The following PLEKHH2 variants were observed in gnomAD, a reference collection of about 807,000 sequenced individuals.
PLEKHH2 encodes the protein pleckstrin homology domain-containing family H member 2.
PLEKHH2 carries 129 observed loss-of-function variants against 187.9 expected under a neutral mutation model. That is an observed-to-expected ratio of 0.69 (90% CI 0.59 to 0.79). PLEKHH2 has a LOEUF of 0.79. Ranked by LOEUF, PLEKHH2 falls within the 30% of genes least tolerant of loss-of-function variation. The pLI, the probability that PLEKHH2 is intolerant of heterozygous loss-of-function variation, is 0.00. For missense variants in PLEKHH2, 2,076 were observed against 1,751.2 expected (o/e 1.19, Z -3.31); for synonymous variants, 686 against 605.6 (o/e 1.13, Z -1.95).
chr2:43,644,733 G>A lies in PLEKHH2; in HGVS notation c.60G>A (p.Leu20=). Residue 20 remains leucine (L), a synonymous_variant, in exon 2 of 30, where the codon CTG becomes CTA. Transcript: ENST00000282406. The part of the protein sequence containing the change: ...PVDWKERCVA[L]ESQLMKFRVQ... ...ATTGGAAGGAACGATGTGTAGCTCT[G>A]GAGTCCCAACTCATGAAATTTAGAG... 1 of 1,609,446 alleles carries A rather than the reference G, an allele frequency of 6.2e-7. No individual in the cohort carries two copies. Among genetic ancestry groups the A allele is most frequent in the Non-Finnish European group, 8.5e-7 (1 of 1,176,668 alleles).
At chr2:43,646,287 A>G (rs986811466) in intron 2 of PLEKHH2, among the ~76,000 whole-genome samples, 4 of 152,112 alleles carry the variant, frequency 2.6e-5, no homozygotes, top group African/African-American at 9.7e-5. Flanking sequence ...AATGAAAATC[A>G]TTTTCCATGT....
intron 2 of PLEKHH2, among the ~76,000 whole-genome samples, chr2:43,645,968 A>G (rs1666164828): frequency 6.6e-6 from 1 of 152,164 alleles, no homozygotes; most frequent in Admixed American, 6.6e-5. Context: ...ATCTCTTAGT[A>G]CAGAATTATT....
chr2:43,668,560 A>G (rs6710907), intron 2 of PLEKHH2, among the ~76,000 whole-genome samples: 70,375 of 152,024 alleles, frequency 0.46, 16,898 homozygotes, highest in Non-Finnish European at 0.52. Context: ...CCATTAGTTT[A>G]AACAACATTG....
chr2:43,749,691 A>G (rs1013030823), intron 24 of PLEKHH2, among the ~76,000 whole-genome samples: 11 of 152,252 alleles, frequency 7.2e-5, no homozygotes, highest in African/African-American at 2.4e-4. Flanking sequence ...TGAGAAAGTA[A>G]TGTTTCTAAA....
Position 43,681,322 on chromosome 2 carries a change from G to C in PLEKHH2, c.186+2397G>C, listed in dbSNP as rs1429283317. 5 of 883,216 alleles carry C rather than the reference G, an allele frequency of 5.7e-6. No homozygotes were observed. In the African/African-American group the frequency reaches 8.3e-5, roughly 15 times the overall value. The allele number at this position is 883,216 out of a possible 1,614,324, so 54.7% of individuals were successfully genotyped here. On this transcript the variant is annotated intron_variant, in intron 3 of 29. Coordinates refer to ENST00000282406, the MANE Select transcript of PLEKHH2 (RefSeq NM_172069.4). Reference sequence around the variant, plus strand: ...CTCTGTCTGTGTTGGTGAGGAATTTGGTGTTCTCAGCTCCATTGGGGTCAC... The same window carrying C: ...CTCTGTCTGTGTTGGTGAGGAATTTCGTGTTCTCAGCTCCATTGGGGTCAC...
chr2:43,707,696 T>C (rs1669730300), intron 11 of PLEKHH2, 151 bp downstream of exon 11: 14 of 818,848 alleles, frequency 1.7e-5, no homozygotes, highest in Non-Finnish European at 2.4e-5. Flanking sequence ...GATATGTTTA[T>C]ATTCCTAATT....
chr2:43,640,654 A>G (rs377175078), intron 1 of PLEKHH2, among the ~76,000 whole-genome samples: 6 of 152,178 alleles, frequency 3.9e-5, no homozygotes, highest in African/African-American at 1.4e-4. Context: ...GTGAAGTGGA[A>G]TGTTGTTGTG....
chr2:43,676,398 G>A lies in PLEKHH2; in HGVS notation c.124-2465G>A, dbSNP rs1667792729. 4 of 1,230,270 alleles carry A rather than the reference G, an allele frequency of 3.3e-6. No individual in the cohort carries two copies. The African/African-American group carries it at 4.5e-5, about 14-fold the overall frequency. 76.2% of individuals were successfully genotyped at this position (1,230,270 alleles called of 1,614,324 possible). A position where few individuals can be genotyped will look rare whatever the true frequency, so the allele number is the denominator to read the frequency against. ...GTCCTGGGGTCCCGCGCCTTCCGGA[G>A]CTGGCGGCTGCGCTCCCGGTTGGGC... On this transcript the variant is annotated intron_variant, in intron 2 of 29. Transcript: ENST00000282406.
chr2:43,665,814 G>A (rs1667171668), intron 2 of PLEKHH2, among the ~76,000 whole-genome samples: 3 of 135,508 alleles, frequency 2.2e-5, no homozygotes, highest in African/African-American at 8.9e-5. Flanking sequence ...ACCCACTTGA[G>A]GAGGCAGTCT....
At chr2:43,687,738 G>A (rs965030359) in intron 3 of PLEKHH2, among the ~76,000 whole-genome samples, 1 of 151,994 alleles carries the variant, frequency 6.6e-6, no homozygotes, top group Non-Finnish European at 1.5e-5. Flanking sequence ...CTGGTGATTA[G>A]CAATGATGAG....
chr2:43,686,986 A>T (rs1020926107), intron 3 of PLEKHH2, among the ~76,000 whole-genome samples: 3 of 150,340 alleles, frequency 2.0e-5, no homozygotes, highest in African/African-American at 4.9e-5. Context: ...ATATATTTAT[A>T]TTTTAAAATA....
intron 2 of PLEKHH2, among the ~76,000 whole-genome samples, chr2:43,648,611 C>T (rs1451222659): frequency 7.1e-6 from 1 of 140,154 alleles, no homozygotes; most frequent in Non-Finnish European, 1.6e-5. Flanking sequence ...GACGGGGTCC[C>T]ACTCTGTTGC....
rs1229125387 is a variant in PLEKHH2, at chr2:43,700,081, A to G, written c.1123A>G (p.Ser375Gly). 2 of 1,614,102 alleles carry G rather than the reference A, an allele frequency of 1.2e-6. No individual in the cohort carries two copies. The highest frequency in any genetic ancestry group is 2.7e-5 in the African/African-American group (2 of 74,936). ...TCTTGGAAAGGGAAATTCTGAATTA[A>G]GTAAAAAGGAACAAGATAGTTCCTC... is the stretch of plus-strand genomic sequence containing the variant. ...SPLGKGNSEL[S>G]KKEQDSSSDE... The change falls in exon 8 of 30, where the codon AGT becomes GGT. Residue 375 changes from serine to glycine, a missense_variant. Coordinates refer to ENST00000282406, the MANE Select transcript of PLEKHH2 (RefSeq NM_172069.4).
intron 1 of PLEKHH2, among the ~76,000 whole-genome samples, chr2:43,638,558 T>C (rs780969526): frequency 3.2e-4 from 48 of 152,196 alleles, no homozygotes; most frequent in Non-Finnish European, 6.0e-4. Flanking sequence ...CCAAGACTTT[T>C]TCCTGTCCCC....
intron 2 of PLEKHH2, chr2:43,675,705 T>G: frequency 6.2e-7 from 1 of 1,614,032 alleles, no homozygotes; most frequent in South Asian, 1.1e-5. Context: ...CACTTTGATC[T>G]GCACAGGTCT....
intron 20 of PLEKHH2, among the ~76,000 whole-genome samples, chr2:43,738,795 A>G (rs1168773976): frequency 6.6e-6 from 1 of 152,188 alleles, no homozygotes; most frequent in Admixed American, 6.5e-5. Flanking sequence ...CGTTTCCCCT[A>G]TATCCTTAGA....
In PLEKHH2 at chr2:43,726,276, C is replaced by T. The variant is rs1486632768; in HGVS notation, c.2546C>T (p.Pro849Leu). 6.2e-7 allele frequency: 1 copy of T among 1,602,802 alleles called. No individual in the cohort carries two copies. Among genetic ancestry groups the T allele is most frequent in the Non-Finnish European group, 8.5e-7 (1 of 1,170,476 alleles). ...AATTACTAATATTTACTTTAGTTTC[C>T]TTTAGGTCAGATCAAACTCTGGGAG... ...YYFRSQEDKF[P>L]LGQIKLWEAK... Residue 849 changes from proline (P) to leucine (L), a missense_variant, in exon 17 of 30, where the codon CCT (proline) becomes CTT (leucine). By Grantham distance (98) the Pro-to-Leu change is moderately conservative. Transcript: ENST00000282406.
At chr2:43,649,931 C>T (rs1021851777) in intron 2 of PLEKHH2, among the ~76,000 whole-genome samples, 1 of 152,080 alleles carries the variant, frequency 6.6e-6, no homozygotes, top group African/African-American at 2.4e-5. Flanking sequence ...CAATGAGAGG[C>T]TCTGTAAGTA....
At position 43,731,562 on chromosome 2, in the gene PLEKHH2, C is replaced by A; in HGVS notation, c.2903C>A (p.Pro968His). The A allele has an allele frequency of 6.2e-7, 1 of 1,601,728 alleles. No homozygotes were observed. The highest frequency in any genetic ancestry group is 8.6e-7 in the Non-Finnish European group (1 of 1,169,530). Residue 968 changes from proline (P) to histidine (H), a missense_variant, in exon 19 of 30, where the codon CCT becomes CAT. Pro to His is a moderately conservative substitution (Grantham distance 77). Transcript: ENST00000282406. Reference sequence around the variant, plus strand: ...ATCATTTCCCCTCTGACAACTCTACCTTCCGAAGCCCTGCAGACAGAAGCT... The same window carrying A: ...ATCATTTCCCCTCTGACAACTCTACATTCCGAAGCCCTGCAGACAGAAGCT... ...EGIISPLTTL[P>H]SEALQTEAIK...
Sources: gnomAD v4.1 joint callset for allele counts (sites outside exome capture counted in the v4.1 genomes callset) on GRCh38, gnomAD v4.1.1 for gene constraint, MANE v1.5 for transcripts, NCBI Gene and HGNC (gene_info 2026-07-23, HGNC 2026-07-21) for gene names.